LACRT: variants seen among roughly 807,000 people sequenced by gnomAD.
The protein encoded by LACRT is lacritin.
In LACRT, 14 loss-of-function variants were observed where a neutral mutation model predicts 14.5. The ratio of observed to expected loss-of-function variants is 0.96; its 90% confidence interval spans 0.64 to 1.51. The LOEUF is 1.51. LACRT is among the 40% of genes most tolerant of loss of function. The pLI is 0.00. For missense variants in LACRT, 156 were observed against 161.8 expected (o/e 0.96, Z 0.19); for synonymous variants, 70 against 63.5 (o/e 1.10, Z -0.48).
At chr12:54,631,088 G>A in intron 4 of LACRT, 135 bp from the exon 5 acceptor site, 1 of 650,556 alleles carries the variant, frequency 1.5e-6, no homozygotes, top group African/African-American at 1.8e-5. Context: ...AAGTTGGAGG[G>A]ATTGAGATTA....
intron 1 of LACRT, among the ~76,000 whole-genome samples, 159 bp from the exon 2 acceptor site, chr12:54,633,392 C>T (rs776086338): frequency 2.6e-5 from 4 of 152,164 alleles, no homozygotes; most frequent in South Asian, 4.1e-4. Flanking sequence ...ACCATATCAG[C>T]GGGTCTACTG....
intron 4 of LACRT, 98 bp from the exon 5 acceptor site, chr12:54,631,051 AC>A: frequency 2.6e-6 from 2 of 771,508 alleles, no homozygotes; most frequent in East Asian, 5.2e-5. Flanking sequence ...TTCCAGACTT[AC>A]TGAGACTCTG....
intron 2 of LACRT, 28 bp from the exon 3 acceptor site, chr12:54,632,409 A>G (rs757291774): frequency 1.2e-6 from 2 of 1,611,502 alleles, no homozygotes; most frequent in South Asian, 1.1e-5. Flanking sequence ...GATGGATTTT[A>G]GCAAAGTGAA....
chr12:54,634,261 AT>A (rs200546530), intron 1 of LACRT, among the ~76,000 whole-genome samples: 1,517 of 151,592 alleles, frequency 0.01, 21 homozygotes, highest in African/African-American at 0.036. Context: ...CTGAGGCAAG[AT>A]AATCGCTGGA....
intron 3 of LACRT, 147 bp from the exon 4 acceptor site, chr12:54,631,986 T>C (rs1395654849): frequency 1.7e-6 from 1 of 574,322 alleles, no homozygotes; most frequent in African/African-American, 2.0e-5. Flanking sequence ...GAAGTTTTGC[T>C]GAGGGCTCCA....
chr12:54,631,688 G>A, intron 4 of LACRT, 50 bp downstream of exon 4: 1 of 1,345,962 alleles, frequency 7.4e-7, no homozygotes, highest in South Asian at 1.2e-5. Flanking sequence ...CCGGATGGTG[G>A]GTGGTGAGTA....
rs1202004179 is a variant in LACRT, at chr12:54,630,971, A to G, written c.356-18T>C. 1 of 1,578,614 alleles carries G rather than the reference A, an allele frequency of 6.3e-7. No individual in the cohort carries two copies. Among genetic ancestry groups the G allele is most frequent in the Non-Finnish European group, 8.7e-7 (1 of 1,149,908 alleles). On this transcript the variant is annotated intron_variant, in intron 4 of 4. Coordinates refer to ENST00000257867, the MANE Select transcript of LACRT (RefSeq NM_033277.2). ...ACTTCCATCTAGAAGGAAAGATGAGACAAATGAGGCTTTTAGGACCCCAGG... is the reference window on the plus strand; with the variant it reads ...ACTTCCATCTAGAAGGAAAGATGAGGCAAATGAGGCTTTTAGGACCCCAGG...
intron 3 of LACRT, 89 bp downstream of exon 3, chr12:54,632,152 A>G: frequency 6.8e-7 from 1 of 1,476,356 alleles, no homozygotes; most frequent in Non-Finnish European, 9.3e-7. Flanking sequence ...GCTTCTCACC[A>G]GGCTTATCTC....
chr12:54,633,173 G>C lies in LACRT; in HGVS notation c.112+7C>G. On this transcript the variant is annotated splice_region_variant and intron_variant, in intron 2 of 4. Coordinates refer to ENST00000257867, the MANE Select transcript of LACRT (RefSeq NM_033277.2). Reference sequence around the variant, plus strand: ...AGGGCTAGGGCAGCAGGGAGAGGAGGACTCACAGGTCCCAGCTTCCTGGGC... The same window carrying C: ...AGGGCTAGGGCAGCAGGGAGAGGAGCACTCACAGGTCCCAGCTTCCTGGGC... 1.9e-6 allele frequency: 3 copies of C among 1,613,710 alleles called. No homozygotes were observed. The highest frequency in any genetic ancestry group is 2.5e-6 in the Non-Finnish European group (3 of 1,179,742).
At chr12:54,633,741 A>G (rs1958168826) in intron 1 of LACRT, among the ~76,000 whole-genome samples, 1 of 152,230 alleles carries the variant, frequency 6.6e-6, no homozygotes, top group African/African-American at 2.4e-5. Flanking sequence ...CCCTGCCCTG[A>G]CAGAGCTTAC....
Position 54,634,815 on chromosome 12 carries a change from C to T in LACRT, c.27G>A (p.Leu9=). The change falls in exon 1 of 5, where the codon TTG becomes TTA. Residue 9 remains leucine, a synonymous_variant. Coordinates refer to ENST00000257867, the MANE Select transcript of LACRT (RefSeq NM_033277.2). The stretch of plus-strand genomic sequence containing the variant: ...AGACCAGGGCCCCTGCTACAGCTGC[C>T]AAGAAGAGGAGAGTGGTAAATTTCA... The part of the protein sequence containing the change: MKFTTLLF[L]AAVAGALVYA... 1 of 1,613,840 alleles carries T rather than the reference C, an allele frequency of 6.2e-7. No homozygotes were observed.
At chr12:54,632,907 C>A (rs936854824) in intron 2 of LACRT, among the ~76,000 whole-genome samples, 1 of 152,068 alleles carries the variant, frequency 6.6e-6, no homozygotes, top group African/African-American at 2.4e-5. Context: ...GCCCTTACCA[C>A]TTAACCTCAT....
chr12:54,631,225 C>A (rs1045803906), intron 4 of LACRT, among the ~76,000 whole-genome samples: 2 of 152,160 alleles, frequency 1.3e-5, no homozygotes, highest in African/African-American at 4.8e-5. Context: ...CAATATCAGA[C>A]AACATGGCAC....
rs768823453 is a variant in LACRT, at chr12:54,631,696, G to A, written c.355+42C>T. 4 of 1,422,886 alleles carry A rather than the reference G, an allele frequency of 2.8e-6. No homozygotes were observed. In the East Asian group the frequency reaches 6.8e-5, roughly 24 times the overall value. 88.1% of individuals were successfully genotyped at this position (1,422,886 alleles called of 1,614,324 possible). On this transcript the variant is annotated intron_variant, in intron 4 of 4. Transcript: ENST00000257867. Reference sequence around the variant, plus strand: ...CCCACCCCCGGATGGTGGGTGGTGAGTATTCTCATTCCCACAAAGCCTTGC... The same window carrying A: ...CCCACCCCCGGATGGTGGGTGGTGAATATTCTCATTCCCACAAAGCCTTGC...
chr12:54,631,821 C>A lies in LACRT; in HGVS notation c.272G>T (p.Ser91Ile), dbSNP rs1958153839. The A allele has an allele frequency of 1.2e-6, 2 of 1,612,926 alleles. No homozygotes were observed. Among genetic ancestry groups the A allele is most frequent in the Non-Finnish European group, 1.7e-6 (2 of 1,178,888 alleles). ...AAGGGCTTGTTCTGTTAGTAAGATA[C>A]TTTTCTCCACTATGGATTCTAATTT... ...LNPLKSIVEK[S>I]ILLTEQALAK... The change falls in exon 4 of 5, where the codon AGT (serine) becomes ATT (isoleucine). Residue 91 changes from serine to isoleucine, a missense_variant. Coordinates refer to ENST00000257867, the MANE Select transcript of LACRT (RefSeq NM_033277.2).
chr12:54,632,028 G>T, intron 3 of LACRT, 189 bp from the exon 4 acceptor site: 1 of 686,976 alleles, frequency 1.5e-6, no homozygotes, highest in Non-Finnish European at 2.4e-6. Context: ...GTGTGAGCCA[G>T]GACAGAAACC....
chr12:54,633,327 G>A, intron 1 of LACRT, 94 bp from the exon 2 acceptor site: 1 of 1,092,052 alleles, frequency 9.2e-7, no homozygotes, highest in Non-Finnish European at 1.4e-6. Flanking sequence ...TATCTCCTGG[G>A]AATGCTCATG....
At chr12:54,632,500 G>A in intron 2 of LACRT, 119 bp from the exon 3 acceptor site, 4 of 1,171,060 alleles carry the variant, frequency 3.4e-6, no homozygotes, top group Non-Finnish European at 4.9e-6. Context: ...GAAGTGATAT[G>A]GCTTAAACGC....
In LACRT at chr12:54,630,879, T is replaced by G. The variant is rs753590846; in HGVS notation, c.*13A>C. ...AAGGCTTTAAGTCCAATGATCCCAT[T>G]CTTTTCAGCTTCTCATGCCCATGGT... is the stretch of plus-strand genomic sequence containing the variant. On this transcript the variant is annotated 3_prime_UTR_variant, in exon 5 of 5. Coordinates refer to ENST00000257867, the MANE Select transcript of LACRT (RefSeq NM_033277.2). 2 of 1,594,144 alleles carry G rather than the reference T, an allele frequency of 1.3e-6. No individual in the cohort carries two copies. Among genetic ancestry groups the G allele is most frequent in the Non-Finnish European group, 1.7e-6 (2 of 1,161,872 alleles).
Sources: allele counts gnomAD v4.1 joint callset (sites outside exome capture counted in the v4.1 genomes callset), GRCh38; gene constraint gnomAD v4.1.1; transcripts MANE v1.5; gene names NCBI Gene and HGNC (gene_info 2026-07-23, HGNC 2026-07-21).